The following DDX55 variants were observed in gnomAD, a reference collection of about 807,000 sequenced individuals.
The protein encoded by DDX55 is DEAD-box helicase 55, also known as ATP-dependent RNA helicase DDX55.
In DDX55, 56 loss-of-function variants were observed where a neutral mutation model predicts 69.2. The observed-to-expected ratio is 0.81, with a 90% CI of 0.65 to 1.01. The LOEUF is 1.01. Ranked by LOEUF, DDX55 falls within the 50% of genes least tolerant of loss-of-function variation. The pLI is 0.00. For missense variants in DDX55, 720 were observed against 745.1 expected, an observed-to-expected ratio of 0.97 and a Z score of 0.39; for synonymous variants, 268 against 273.1, an observed-to-expected ratio of 0.98 and a Z score of 0.18.
chr12:123,615,565 C>T (rs1222773625), intron 9 of DDX55, among the ~76,000 whole-genome samples: 1 of 152,202 alleles, frequency 6.6e-6, no homozygotes, highest in Non-Finnish European at 1.5e-5. Context: ...ACAGCAGGCT[C>T]CGTGACACAG....
chr12:123,619,392 C>G (rs1954977131), intron 12 of DDX55, 40 bp from the exon 13 acceptor site: 1 of 1,579,562 alleles, frequency 6.3e-7, no homozygotes, highest in Non-Finnish European at 8.6e-7. Context: ...TTGTTCTAAT[C>G]CTGTTGAGTG....
rs2135675070 is a variant in DDX55 at position 123,602,128 on chromosome 12, G to C, written c.-21G>C. 1 of 1,537,716 alleles carries C rather than the reference G, an allele frequency of 6.5e-7. No individual in the cohort carries two copies. Among genetic ancestry groups the C allele is most frequent in the Non-Finnish European group, 8.8e-7 (1 of 1,141,836 alleles). On this transcript the variant is annotated 5_prime_UTR_variant, in exon 1 of 14. Coordinates refer to ENST00000238146, the MANE Select transcript of DDX55 (RefSeq NM_020936.3). ...AAGGCGCGTTCGAGCAGCGGCGACC[G>C]ACGCGGCGAAGGAGCGCGCCATGGA...
intron 7 of DDX55, 58 bp from the exon 8 acceptor site, chr12:123,613,112 C>A: frequency 1.9e-6 from 3 of 1,553,304 alleles, no homozygotes; most frequent in Admixed American, 3.4e-5. Flanking sequence ...CTGAAAATAG[C>A]CATGGGGATT....
At chr12:123,617,688 T>C (rs996344915) in intron 10 of DDX55, 70 bp from the exon 11 acceptor site, 147 of 1,400,362 alleles carry the variant, frequency 1.0e-4, no homozygotes, top group Non-Finnish European at 1.4e-4. Context: ...GCAGCAGCCA[T>C]GTGGCTGGAG....
chr12:123,620,580 T>TATA lies in DDX55; in HGVS notation c.*440_*441insATA, dbSNP rs1555284588. ...GGTCACATATAGACATATGTACATA[T>TATA]TATATATATATATATATATATATAT... On this transcript the variant is annotated 3_prime_UTR_variant, in exon 14 of 14. Transcript: ENST00000238146. The TATA allele has an allele frequency of 6.1e-5, 4 of 65,350 alleles. No individual in the cohort carries two copies. In the South Asian group the frequency reaches 1.5e-3, roughly 24 times the overall value. The allele number at this position is 65,350 out of a possible 1,614,324, so 4.0% of individuals were successfully genotyped here.
At position 123,616,545 on chromosome 12, in the gene DDX55, G is replaced by T. The variant is rs200409583; in HGVS notation, c.991G>T (p.Gly331Ter). The change falls in exon 10 of 14, where the codon GGA (glycine) becomes TGA (stop). Residue 331 changes from glycine to a stop codon, truncating the protein, a stop_gained. Transcript: ENST00000238146. LOFTEE classifies it high-confidence loss of function. The part of the protein sequence containing the change: ...ILVCTDVMAR[G>*]IDIPEVNWVL... ...AGTGTGCACTGATGTGATGGCCCGG[G>T]GAATTGATATTCCTGAAGTCAACTG... 1.2e-6 allele frequency: 2 copies of T among 1,613,976 alleles called. No individual in the cohort carries two copies. The highest frequency in any genetic ancestry group is 1.7e-6 in the Non-Finnish European group (2 of 1,180,024).
intron 5 of DDX55, chr12:123,608,429 G>A (rs1404457424): frequency 5.2e-6 from 2 of 387,278 alleles, no homozygotes; most frequent in Admixed American, 3.7e-5. Context: ...GCAAGGACAG[G>A]CAGCAGCCCA....
chr12:123,618,929 G>A (rs1954917707), intron 12 of DDX55, 92 bp downstream of exon 12: 1 of 1,534,456 alleles, frequency 6.5e-7, no homozygotes, highest in Admixed American at 1.9e-5. Flanking sequence ...AAAAGGAAGT[G>A]TTCCCAGGTT....
chr12:123,617,860 A>G lies in DDX55; in HGVS notation c.1152A>G (p.Ala384=). 6.2e-7 allele frequency: 1 copy of G among 1,614,096 alleles called. No individual in the cohort carries two copies. Reference sequence around the variant, plus strand: ...AAGAGTCATACATCAATTTCCTTGCAATTAACCAAAAAGTAAGCTGCCGTC... The same window carrying G: ...AAGAGTCATACATCAATTTCCTTGCGATTAACCAAAAAGTAAGCTGCCGTC... ...PMEESYINFL[A]INQKCPLQEM... Residue 384 remains alanine, a synonymous_variant, in exon 11 of 14, where the codon GCA becomes GCG. Transcript: ENST00000238146.
At chr12:123,615,111 C>T in intron 8 of DDX55, 74 bp from the exon 9 acceptor site, 2 of 1,593,166 alleles carry the variant, frequency 1.3e-6, no homozygotes, top group Non-Finnish European at 1.7e-6. Flanking sequence ...GCAGCTATTG[C>T]TCACTGTTCC....
At position 123,618,217 on chromosome 12, in the gene DDX55, G is replaced by A. The variant is rs577320784; in HGVS notation, c.1164+345G>A. The A allele has an allele frequency of 2.8e-3, 1,068 of 387,704 alleles. 4 individuals are homozygous for A. The highest frequency in any genetic ancestry group is 4.3e-3 in the Non-Finnish European group (859 of 199,862). The allele number at this position is 387,704 out of a possible 1,614,324, so 24.0% of individuals were successfully genotyped here. A position where few individuals can be genotyped will look rare whatever the true frequency, so the allele number is the denominator to read the frequency against. On this transcript the variant is annotated intron_variant, in intron 11 of 13. Coordinates refer to ENST00000238146, the MANE Select transcript of DDX55 (RefSeq NM_020936.3). ...AGTAGAGATGGGGTTTCTCCATGTT[G>A]GTCAGGCTGGTCTTGAACTCCCGAC...
rs15587 is a variant in DDX55, at chr12:123,619,502, A to G, written c.1404A>G (p.Gly468=). Residue 468 remains glycine (G), a synonymous_variant, in exon 13 of 14, where the codon GGA becomes GGG. Transcript: ENST00000238146. ...TGCCCAAGATGCCAGAATTGAGAGGAAAGCAGTTTCCAGATTTTGTGCCCG... is the reference window on the plus strand; with the variant it reads ...TGCCCAAGATGCCAGAATTGAGAGGGAAGCAGTTTCCAGATTTTGTGCCCG... ...LRMPKMPELR[G]KQFPDFVPVD... The G allele has an allele frequency of 0.28, 443,894 of 1,613,674 alleles. 64,615 individuals are homozygous for G. The highest frequency in any genetic ancestry group is 0.42 in the African/African-American group (31,503 of 74,912).
At position 123,618,654 on chromosome 12, in the gene DDX55, T is replaced by C. The variant is rs750819061; in HGVS notation, c.1165-15T>C. On this transcript the variant is annotated splice_polypyrimidine_tract_variant and intron_variant, in intron 11 of 13. Coordinates refer to ENST00000238146, the MANE Select transcript of DDX55 (RefSeq NM_020936.3). ...AGCCAGGGAAGGTGAGAATGTGGTA[T>C]GTGTGTGTGTGTAGTGCCCCCTGCA... 4.0e-5 allele frequency: 62 copies of C among 1,553,064 alleles called. No homozygotes were observed. Among genetic ancestry groups the C allele is most frequent in the Non-Finnish European group, 5.0e-5 (57 of 1,144,814 alleles).
chr12:123,608,596 G>T (rs1555278543), intron 5 of DDX55, 84 bp from the exon 6 acceptor site: 2 of 1,512,190 alleles, frequency 1.3e-6, no homozygotes, highest in Non-Finnish European at 1.8e-6. Flanking sequence ...ACTTTGGGGG[G>T]ATATAAAACT....
Position 123,619,663 on chromosome 12 carries a change from CA to C in DDX55, c.1568del (p.Lys523SerfsTer12), listed in dbSNP as rs1265102765. On this transcript the variant is annotated frameshift_variant, in exon 13 of 14. Transcript: ENST00000238146. LOFTEE classifies it high-confidence loss of function. The part of the protein sequence containing the change: ...RRKFIKNKAW[S>X]KQKAKKEKKK... Reference sequence around the variant, plus strand: ...AAATTCATAAAAAATAAAGCTTGGTCAAAGCAGAAGGCCAAAAAAGAAAAGA... The same window carrying C: ...AAATTCATAAAAAATAAAGCTTGGTCAAGCAGAAGGCCAAAAAAGAAAAGA... The C allele has an allele frequency of 6.3e-7, 1 of 1,599,532 alleles. No individual in the cohort carries two copies.
In DDX55 at chr12:123,620,743, G is replaced by C. The variant is rs1955079055; in HGVS notation, c.*603G>C. 6.6e-6 allele frequency: 1 copy of C among 151,210 alleles called. No homozygotes were observed. The highest frequency in any genetic ancestry group is 1.5e-5 in the Non-Finnish European group (1 of 67,848). The allele number at this position is 151,210 out of a possible 1,614,324, so 9.4% of individuals were successfully genotyped here. A position where few individuals can be genotyped will look rare whatever the true frequency, so the allele number is the denominator to read the frequency against. On this transcript the variant is annotated 3_prime_UTR_variant, in exon 14 of 14. Transcript: ENST00000238146. ...AGTATCTTCAGGCATTTGACCTCCTGAATGTGCTTGGCCCTGGGCTTCAGT... is the reference window on the plus strand; with the variant it reads ...AGTATCTTCAGGCATTTGACCTCCTCAATGTGCTTGGCCCTGGGCTTCAGT...
intron 3 of DDX55, 90 bp from the exon 4 acceptor site, chr12:123,607,342 C>G: frequency 7.1e-7 from 1 of 1,407,180 alleles, no homozygotes; most frequent in Non-Finnish European, 9.8e-7. Context: ...CTGGAACTTT[C>G]CTTTGTGTGG....
Position 123,620,167 on chromosome 12 carries a change from G to A in DDX55, c.*27G>A. The A allele has an allele frequency of 6.3e-7, 1 of 1,588,934 alleles. No homozygotes were observed. The highest frequency in any genetic ancestry group is 8.6e-7 in the Non-Finnish European group (1 of 1,165,526). ...TCCAGTGCCACAGATGAACCCACAA[G>A]GACATAGCTGTTCCCTAACTTGGTG... On this transcript the variant is annotated 3_prime_UTR_variant, in exon 14 of 14. Transcript: ENST00000238146.
intron 3 of DDX55, among the ~76,000 whole-genome samples, chr12:123,606,614 A>G (rs1953910237): frequency 6.9e-6 from 1 of 145,554 alleles, no homozygotes; most frequent in African/African-American, 2.5e-5. Flanking sequence ...TCCCTGAGAC[A>G]GGGTTTTGCT....
Sources: allele counts gnomAD v4.1 joint callset (sites outside exome capture counted in the v4.1 genomes callset), GRCh38; gene constraint gnomAD v4.1.1; transcripts MANE v1.5; gene names NCBI Gene and HGNC (gene_info 2026-07-23, HGNC 2026-07-21).